Variants in ARHGEF17 observed in about 807,000 individuals in gnomAD.
The protein encoded by ARHGEF17 is Rho guanine nucleotide exchange factor 17.
A neutral mutation model predicts 174.0 loss-of-function variants in ARHGEF17; 80 were observed. The ratio of observed to expected loss-of-function variants is 0.46; its 90% CI spans 0.38 to 0.55. The LOEUF (loss-of-function observed/expected upper bound fraction) is 0.55, where lower values mean the gene tolerates loss of function less well. Ranked by LOEUF, ARHGEF17 falls within the 20% of genes least tolerant of loss-of-function variation. The pLI is 0.00. For synonymous variants in ARHGEF17, 1,311 were observed against 1,189.1 expected (o/e 1.10, Z -2.11); for missense variants, 2,886 against 2,839.7 (o/e 1.02, Z -0.37).
Position 73,310,421 on chromosome 11 carries a change from G to C in ARHGEF17, c.1783G>C (p.Ala595Pro). Residue 595 changes from alanine (A) to proline (P), a missense_variant, in exon 1 of 21, where the codon GCC becomes CCC. Ala to Pro is a conservative substitution (Grantham distance 27). Coordinates refer to ENST00000263674, the MANE Select transcript of ARHGEF17 (RefSeq NM_014786.4). ...CGTCCAGGACCAATATGTGCAGGAG[G>C]CCCGCCAGGTTTTTGAGAAGATCCA... ...LIVQDQYVQEARQVFEKIQRM... is the reference protein window; with the variant it reads ...LIVQDQYVQEPRQVFEKIQRM... The C allele has an allele frequency of 6.2e-7, 1 of 1,613,978 alleles. No individual in the cohort carries two copies. The highest frequency in any genetic ancestry group is 1.1e-5 in the South Asian group (1 of 91,080).
rs747752927 is a variant in ARHGEF17, at chr11:73,310,397, G to T, written c.1759G>T (p.Val587Phe). The change falls in exon 1 of 21, where the codon GTC (valine) becomes TTC (phenylalanine). Residue 587 changes from valine to phenylalanine, a missense_variant. Val to Phe is a conservative substitution (Grantham distance 50). This residue lies in a region of ARHGEF17 where 1,728 missense variants were observed against 1,461.2 expected (regional missense o/e 1.18). Transcript: ENST00000263674. The part of the protein sequence containing the change: ...GAEEDPLPLI[V>F]QDQYVQEARQ... ...CGAGGAGGATCCGCTGCCCCTCATC[G>T]TCCAGGACCAATATGTGCAGGAGGC... 2 of 1,613,936 alleles carry T rather than the reference G, an allele frequency of 1.2e-6. No homozygotes were observed. Among genetic ancestry groups the T allele is most frequent in the Non-Finnish European group, 1.7e-6 (2 of 1,180,020 alleles).
In ARHGEF17 at chr11:73,311,475, G is replaced by T; in HGVS notation, c.2837G>T (p.Ser946Ile). ...RDEGSQDQTG[S>I]LSRARPSSRH... ...GAGGGCAGTCAGGACCAGACTGGCA[G>T]CCTGTCTCGGGCCCGGCCCTCCTCC... The change falls in exon 1 of 21, where the codon AGC (serine) becomes ATC (isoleucine). Residue 946 changes from serine to isoleucine, a missense_variant. By Grantham distance (142) the Ser-to-Ile change is moderately radical. Around this residue, in one of 4 missense-constraint regions of ARHGEF17, gnomAD observed 1,728 missense variants for 1,461.2 expected, o/e 1.18. Transcript: ENST00000263674. The T allele has an allele frequency of 6.2e-7, 1 of 1,613,214 alleles. No homozygotes were observed. Among genetic ancestry groups the T allele is most frequent in the South Asian group, 1.1e-5 (1 of 91,084 alleles).
chr11:73,336,393 C>T (rs1281804276), intron 1 of ARHGEF17, among the ~76,000 whole-genome samples: 5 of 152,204 alleles, frequency 3.3e-5, no homozygotes, highest in Admixed American at 2.0e-4. Context: ...CACCTCATTC[C>T]CAGAGGTCTA....
intron 1 of ARHGEF17, among the ~76,000 whole-genome samples, chr11:73,322,302 G>C (rs1865029544): frequency 6.6e-6 from 1 of 152,198 alleles, no homozygotes; most frequent in Admixed American, 6.5e-5. Flanking sequence ...CAGGCCAGAA[G>C]GGCAGGAGGA....
chr11:73,320,862 A>G (rs117985746), intron 1 of ARHGEF17, among the ~76,000 whole-genome samples: 3,077 of 152,028 alleles, frequency 0.02, 53 homozygotes, highest in Middle Eastern at 0.031. Context: ...AAGTCTCACT[A>G]TGTTGCCCAG....
chr11:73,350,037 TAG>T (rs1240194750), intron 2 of ARHGEF17, among the ~76,000 whole-genome samples: 3 of 152,138 alleles, frequency 2.0e-5, no homozygotes, highest in African/African-American at 7.2e-5. Context: ...TCCTCATCTG[TAG>T]AGAGGGGATA....
chr11:73,309,538 C>T lies in ARHGEF17; in HGVS notation c.900C>T (p.Ser300=), dbSNP rs1393251782. 60 of 1,588,320 alleles carry T rather than the reference C, an allele frequency of 3.8e-5. No homozygotes were observed. In the Admixed American group the frequency reaches 1.0e-3, roughly 27 times the overall value. ...GGRPGLRPGS[S]LLDQDCRPDS... Reference sequence around the variant, plus strand: ...GGCCCGGGCTCAGGCCTGGAAGCTCCCTATTGGATCAGGACTGCAGGCCTG... The same window carrying T: ...GGCCCGGGCTCAGGCCTGGAAGCTCTCTATTGGATCAGGACTGCAGGCCTG... The change falls in exon 1 of 21, where the codon TCC becomes TCT. Residue 300 remains serine (S), a synonymous_variant. Transcript: ENST00000263674.
chr11:73,311,995 C>T (rs1191511460), intron 1 of ARHGEF17, among the ~76,000 whole-genome samples, 165 bp downstream of exon 1: 1 of 152,244 alleles, frequency 6.6e-6, no homozygotes, highest in Non-Finnish European at 1.5e-5. Context: ...GTTAATGACA[C>T]AGGGCTCCTG....
Position 73,339,812 on chromosome 11 carries a change from C to G in ARHGEF17, c.3193-7071C>G, listed in dbSNP as rs139961585. Among the ~76,000 whole-genome samples the G allele has an allele frequency of 2.0e-5, 3 of 152,252 alleles. No individual in the cohort carries two copies. The East Asian group carries it at 5.8e-4, about 29-fold the overall frequency. ...GCCCTTTTTCCCCCTCTCTGTCTTT[C>G]CTTCTCTGACTAAAGAGCAGGTGAG... On this transcript the variant is annotated intron_variant, in intron 1 of 20. Coordinates refer to ENST00000263674, the MANE Select transcript of ARHGEF17 (RefSeq NM_014786.4).
intron 1 of ARHGEF17, among the ~76,000 whole-genome samples, chr11:73,333,490 C>T (rs1166389085): frequency 6.6e-6 from 1 of 152,258 alleles, no homozygotes; most frequent in African/African-American, 2.4e-5. Context: ...GAGGCAGAGA[C>T]CACTTCTTCC....
Position 73,317,418 on chromosome 11 carries a change from C to G in ARHGEF17, c.3192+5588C>G, listed in dbSNP as rs533539378. Among the ~76,000 whole-genome samples the G allele has an allele frequency of 6.0e-4, 91 of 152,320 alleles. 1 individual carries two copies. Among genetic ancestry groups the G allele is most frequent in the Non-Finnish European group, 1.1e-3 (73 of 68,002 alleles). On this transcript the variant is annotated intron_variant, in intron 1 of 20. Transcript: ENST00000263674. ...AGTGGGCAGGGTCTGCCCAAGGCCC[C>G]AAAGCTTGAGTATGGGATTTGGCTC...
At chr11:73,362,338 G>C in intron 13 of ARHGEF17, 95 bp from the exon 14 acceptor site, 1 of 1,445,370 alleles carries the variant, frequency 6.9e-7, no homozygotes, top group Admixed American at 2.7e-5. Context: ...TTGTGGGCGG[G>C]GCCCGGCGAG....
Position 73,308,642 on chromosome 11 carries a change from G to T in ARHGEF17, c.4G>T (p.Ala2Ser), listed in dbSNP as rs1222088862. 1 of 1,495,442 alleles carries T rather than the reference G, an allele frequency of 6.7e-7. No homozygotes were observed. The highest frequency in any genetic ancestry group is 1.3e-5 in the South Asian group (1 of 78,958). The allele number at this position is 1,495,442 out of a possible 1,614,324, so 92.6% of individuals were successfully genotyped here. A position where few individuals can be genotyped will look rare whatever the true frequency, so the allele number is the denominator to read the frequency against. ...CCCCGGAGTGAGTTACGCCACTATG[G>T]CGGACGGGGCACCCCGGCCCCAGCT... M[A>S]DGAPRPQLYR... Residue 2 changes from alanine to serine, a missense_variant, in exon 1 of 21, where the codon GCG becomes TCG. By Grantham distance (99) the Ala-to-Ser change is moderately conservative (BLOSUM62 1). Transcript: ENST00000263674.
chr11:73,324,963 G>A (rs776772977), intron 1 of ARHGEF17, among the ~76,000 whole-genome samples: 21 of 152,134 alleles, frequency 1.4e-4, no homozygotes, highest in Admixed American at 5.2e-4. Context: ...CTTGGTGCTG[G>A]AAAGCAGCTG....
intron 2 of ARHGEF17, among the ~76,000 whole-genome samples, chr11:73,347,438 G>A (rs1865482292): frequency 1.3e-5 from 2 of 152,122 alleles, no homozygotes; most frequent in Non-Finnish European, 2.9e-5. Context: ...TGGAGTATAC[G>A]GGCACTCTAG....
At chr11:73,363,029 T>G (rs909367922) in intron 14 of ARHGEF17, among the ~76,000 whole-genome samples, 177 bp from the exon 15 acceptor site, 6 of 151,978 alleles carry the variant, frequency 3.9e-5, no homozygotes, top group African/African-American at 1.5e-4. Context: ...AAGGATTCTG[T>G]AGTGCTGAGC....
chr11:73,308,296 C>T lies in ARHGEF17; in HGVS notation c.-343C>T, dbSNP rs1456790139. On this transcript the variant is annotated 5_prime_UTR_variant, in exon 1 of 21. Coordinates refer to ENST00000263674, the MANE Select transcript of ARHGEF17 (RefSeq NM_014786.4). ...GCAACAAAAGGGTGCCAGGAGCGAGCAGCCAAGGGCGTTGGGCAGGCGGAC... is the reference window on the plus strand; with the variant it reads ...GCAACAAAAGGGTGCCAGGAGCGAGTAGCCAAGGGCGTTGGGCAGGCGGAC... 3.8e-6 allele frequency: 1 copy of T among 262,036 alleles called. No individual in the cohort carries two copies. Among genetic ancestry groups the T allele is most frequent in the Non-Finnish European group, 7.2e-6 (1 of 139,146 alleles). The allele number at this position is 262,036 out of a possible 1,614,324, so 16.2% of individuals were successfully genotyped here.
chr11:73,341,291 T>C (rs1865364010), intron 1 of ARHGEF17, among the ~76,000 whole-genome samples: 1 of 152,166 alleles, frequency 6.6e-6, no homozygotes, highest in South Asian at 2.1e-4. Context: ...GCACTAAAAC[T>C]GGTATTTTTT....
chr11:73,314,360 C>T (rs535040455), intron 1 of ARHGEF17, among the ~76,000 whole-genome samples: 20 of 152,218 alleles, frequency 1.3e-4, no homozygotes, highest in African/African-American at 4.8e-4. Flanking sequence ...AGTCCTTCAC[C>T]CTCAGGTCCA....
Sources: allele counts gnomAD v4.1 joint callset (sites outside exome capture counted in the v4.1 genomes callset), GRCh38; gene constraint gnomAD v4.1.1; regional missense constraint gnomAD v4.1.1; transcripts MANE v1.5; gene names NCBI Gene and HGNC (gene_info 2026-07-23, HGNC 2026-07-21).